ADGRD1: variants seen among roughly 807,000 people sequenced by gnomAD.
The protein encoded by ADGRD1 is G-protein coupled receptor 133.
A neutral mutation model predicts 113.4 loss-of-function variants in ADGRD1; 77 were observed. The ratio of observed to expected loss-of-function variants is 0.68; its 90% CI spans 0.57 to 0.82. ADGRD1 has a LOEUF of 0.82. ADGRD1 is among the 40% of genes least tolerant of loss of function. The probability of loss-of-function intolerance (pLI) is 0.00; values close to 1 mark genes in which losing one functional copy is unlikely to be tolerated. For missense variants in ADGRD1, 1,036 were observed against 1,139.1 expected (o/e 0.91, Z 1.30); for synonymous variants, 474 against 475.0 (o/e 1.00, Z 0.03).
chr12:130,961,575 T>C (rs761796146), intron 2 of ADGRD1, among the ~76,000 whole-genome samples: 3 of 151,998 alleles, frequency 2.0e-5, no homozygotes, highest in South Asian at 4.2e-4. Context: ...TTTAGAAGAG[T>C]TTGGTGAAAA....
chr12:130,997,960 C>T (rs868317180), intron 8 of ADGRD1, among the ~76,000 whole-genome samples: 10 of 152,274 alleles, frequency 6.6e-5, no homozygotes, highest in Middle Eastern at 3.4e-3. Flanking sequence ...CCCGCACCTC[C>T]GGAGGCTGAG....
chr12:131,088,349 G>A (rs962240887), intron 15 of ADGRD1, among the ~76,000 whole-genome samples: 2 of 152,258 alleles, frequency 1.3e-5, no homozygotes, highest in African/African-American at 4.8e-5. Flanking sequence ...GACACAGCAA[G>A]TCAGTGCACG....
chr12:131,064,210 C>T (rs945474747), intron 13 of ADGRD1, among the ~76,000 whole-genome samples: 1 of 152,160 alleles, frequency 6.6e-6, no homozygotes, highest in Non-Finnish European at 1.5e-5. Flanking sequence ...ACTATTTGAA[C>T]AACAGTAATG....
intron 15 of ADGRD1, among the ~76,000 whole-genome samples, chr12:131,093,880 T>C (rs2137264446): frequency 6.6e-6 from 1 of 152,226 alleles, no homozygotes; most frequent in Non-Finnish European, 1.5e-5. Flanking sequence ...ACCCTTTCCT[T>C]GTGGAGCTGT....
intron 15 of ADGRD1, among the ~76,000 whole-genome samples, chr12:131,085,529 C>T (rs1886400444): frequency 6.6e-6 from 1 of 152,054 alleles, no homozygotes; most frequent in Non-Finnish European, 1.5e-5. Context: ...CTGGGAGCAG[C>T]TTGGTCTGAG....
At chr12:130,990,961 T>G in intron 6 of ADGRD1, 53 bp from the exon 7 acceptor site, 1 of 1,411,500 alleles carries the variant, frequency 7.1e-7, no homozygotes, top group Non-Finnish European at 1.0e-6. Context: ...GTCTTCCTCG[T>G]GGTGAAAAAA....
At chr12:131,139,110 C>A in intron 24 of ADGRD1, 58 bp from the exon 25 acceptor site, 1 of 1,369,454 alleles carries the variant, frequency 7.3e-7, no homozygotes, top group Non-Finnish European at 1.0e-6. Context: ...ACTCACTGGG[C>A]TTATGGCTCT....
In ADGRD1 at chr12:130,965,807, A is replaced by G. The variant is rs1870941014; in HGVS notation, c.104-656A>G. On this transcript the variant is annotated intron_variant, in intron 2 of 24. Transcript: ENST00000261654. This position sits in a 1 kb window ranked among gnomAD's most constrained non-coding sequence, Gnocchi z 4.8. ...GGATCACGAAGGAAATTTCAAACTG[A>G]GTAATGCTTAGTGTGGAGGAAGCAT... Among the ~76,000 whole-genome samples the G allele has an allele frequency of 6.6e-6, 1 of 152,266 alleles. No homozygotes were observed. Among genetic ancestry groups the G allele is most frequent in the Admixed American group, 6.5e-5 (1 of 15,292 alleles).
intron 4 of ADGRD1, among the ~76,000 whole-genome samples, chr12:130,972,866 T>C (rs2136542866): frequency 6.6e-6 from 1 of 152,154 alleles, no homozygotes; most frequent in South Asian, 2.1e-4. Flanking sequence ...TTCCAATGCC[T>C]GGGACTATCA....
At chr12:131,128,752 TG>T (rs920322336) in intron 20 of ADGRD1, among the ~76,000 whole-genome samples, 69 of 152,064 alleles carry the variant, frequency 4.5e-4, no homozygotes, top group African/African-American at 1.6e-3. Flanking sequence ...TCAGTGTATG[TG>T]GGGTGTGGCT....
chr12:131,113,787 G>A lies in ADGRD1; in HGVS notation c.2042-4598G>A, dbSNP rs147068713. ...TTTGCACACGCTGGTCCTGAGGCCC[G>A]TGTCCTCTGCCCTCCCTCCAGGTCA... On this transcript the variant is annotated intron_variant, in intron 18 of 24. Coordinates refer to ENST00000261654, the MANE Select transcript of ADGRD1 (RefSeq NM_198827.5). This position sits in a 1 kb window ranked among gnomAD's most constrained non-coding sequence, Gnocchi z 4.9. Among the ~76,000 whole-genome samples the A allele has an allele frequency of 6.6e-5, 10 of 152,272 alleles. No individual in the cohort carries two copies. The highest frequency in any genetic ancestry group is 3.9e-4 in the Admixed American group (6 of 15,296).
At chr12:130,997,737 G>C (rs989025551) in intron 8 of ADGRD1, among the ~76,000 whole-genome samples, 2 of 151,568 alleles carry the variant, frequency 1.3e-5, no homozygotes, top group Non-Finnish European at 2.9e-5. Flanking sequence ...GCCAGGCAGA[G>C]GGGCTCCTCA....
intron 17 of ADGRD1, among the ~76,000 whole-genome samples, chr12:131,108,115 C>T (rs1379444599): frequency 6.6e-6 from 1 of 152,210 alleles, no homozygotes; most frequent in African/African-American, 2.4e-5. Flanking sequence ...GGAGAGGTTC[C>T]CAAGGCCCTG....
intron 2 of ADGRD1, among the ~76,000 whole-genome samples, chr12:130,963,288 C>T (rs960113211): frequency 3.2e-4 from 46 of 144,114 alleles, no homozygotes; most frequent in African/African-American, 1.2e-3. Context: ...CCACTGCACT[C>T]CAGCCTGGGC....
At chr12:131,039,082 C>T (rs1208618437) in intron 13 of ADGRD1, among the ~76,000 whole-genome samples, 2 of 152,202 alleles carry the variant, frequency 1.3e-5, no homozygotes, top group African/African-American at 2.4e-5. Context: ...AGTCCTCTGT[C>T]GAAGGCCCCG....
At chr12:131,036,681 C>G (rs1353070811) in intron 13 of ADGRD1, among the ~76,000 whole-genome samples, 10,203 of 110,478 alleles carry the variant, frequency 0.092, 702 homozygotes, top group Non-Finnish European at 0.14. Context: ...CTCAGTACAC[C>G]GGGCCTCACT....
intron 21 of ADGRD1, among the ~76,000 whole-genome samples, chr12:131,132,607 G>T (rs1188166624): frequency 6.6e-6 from 1 of 152,234 alleles, no homozygotes; most frequent in Non-Finnish European, 1.5e-5. Context: ...CCGAATGGCT[G>T]CGGCAGGGGT....
intron 15 of ADGRD1, among the ~76,000 whole-genome samples, chr12:131,086,207 G>A (rs1455519354): frequency 1.3e-5 from 2 of 152,208 alleles, no homozygotes; most frequent in African/African-American, 4.8e-5. Context: ...TGCCCCGCGT[G>A]TCCTGCGTGG....
At chr12:131,106,835 T>G (rs181004233) in intron 17 of ADGRD1, among the ~76,000 whole-genome samples, 1 of 152,330 alleles carries the variant, frequency 6.6e-6, no homozygotes, top group East Asian at 1.9e-4. Context: ...GGATGGGGTG[T>G]GCACTGGCCT....
Sources: gnomAD v4.1 joint callset for allele counts (sites outside exome capture counted in the v4.1 genomes callset) on GRCh38, gnomAD v4.1.1 for gene constraint, Gnocchi (gnomAD v3.1) non-coding constraint, MANE v1.5 for transcripts, NCBI Gene and HGNC (gene_info 2026-07-23, HGNC 2026-07-21) for gene names.